The following CRACD variants were observed in gnomAD, a reference collection of about 807,000 sequenced individuals.
The protein encoded by CRACD is capping protein inhibiting regulator of actin dynamics.
In CRACD, 56 loss-of-function variants were observed where a neutral mutation model predicts 106.8. The observed-to-expected ratio is 0.52, with a 90% CI of 0.42 to 0.66. The LOEUF (loss-of-function observed/expected upper bound fraction) is 0.66, where lower values mean the gene tolerates loss of function less well. Ranked by LOEUF, CRACD falls within the 30% of genes least tolerant of loss-of-function variation. The pLI is 0.00. For synonymous variants in CRACD, 754 were observed against 670.8 expected, an observed-to-expected ratio of 1.12 and a Z score of -1.92; for missense variants, 1,730 against 1,623.2, an observed-to-expected ratio of 1.07 and a Z score of -1.13.
intron 1 of CRACD, among the ~76,000 whole-genome samples, chr4:56,094,908 A>G (rs1190974746): frequency 6.6e-6 from 1 of 152,216 alleles, no homozygotes; most frequent in Admixed American, 6.5e-5. Flanking sequence ...TAGATTTAAC[A>G]ATTGCTAATT....
At chr4:56,082,024 G>A (rs1395707810) in intron 1 of CRACD, among the ~76,000 whole-genome samples, 6 of 152,150 alleles carry the variant, frequency 3.9e-5, no homozygotes, top group Non-Finnish European at 7.4e-5. Flanking sequence ...ATTCTTTTGG[G>A]AGAAGAAGAA....
chr4:56,056,748 AAAAAT>A (rs538320632), intron 1 of CRACD, among the ~76,000 whole-genome samples: 118 of 152,172 alleles, frequency 7.8e-4, no homozygotes, highest in Middle Eastern at 3.4e-3. Context: ...AGCCTGTCTC[AAAAAT>A]AAAATAAAAT....
intron 2 of CRACD, among the ~76,000 whole-genome samples, chr4:56,224,965 G>A (rs1739224662): frequency 6.6e-6 from 1 of 152,202 alleles, no homozygotes. Context: ...GAGTGTCAGA[G>A]GATACAAGCC....
chr4:56,308,274 C>G (rs1308945456), intron 5 of CRACD, among the ~76,000 whole-genome samples: 2 of 151,962 alleles, frequency 1.3e-5, no homozygotes, highest in African/African-American at 4.8e-5. Flanking sequence ...TGAAGAGTAC[C>G]TAGTCTGGAA....
chr4:56,306,561 G>GA (rs1744721402), intron 4 of CRACD, among the ~76,000 whole-genome samples: 1 of 152,124 alleles, frequency 6.6e-6, no homozygotes, highest in Admixed American at 6.5e-5. Flanking sequence ...GAACATTTCA[G>GA]AAAATATATT....
rs11724305 is a variant in CRACD at position 56,169,205 on chromosome 4, G to A, written c.-335-10079G>A. 4.4e-3 allele frequency among the ~76,000 whole-genome samples: 666 copies of A among 152,232 alleles called. 2 individuals are homozygous for A. The highest frequency in any genetic ancestry group is 7.7e-3 in the Non-Finnish European group (525 of 68,014). On this transcript the variant is annotated intron_variant, in intron 1 of 10. Transcript: ENST00000682029. ...ACTATATTCTGAAATCCCAACAAAG[G>A]AGCCTAGGGATGAGCTGATTTAGAG...
chr4:56,301,158 A>ATTTTTTTTT, intron 4 of CRACD: 1 of 990,252 alleles, frequency 1.0e-6, no homozygotes, highest in Non-Finnish European at 1.4e-6. Context: ...AGAAAATGTG[A>ATTTTTTTTT]TTTTTTTTTT....
intron 1 of CRACD, among the ~76,000 whole-genome samples, chr4:56,162,290 G>A (rs997967104): frequency 6.6e-6 from 1 of 151,978 alleles, no homozygotes; most frequent in African/African-American, 2.4e-5. Flanking sequence ...TAACTCCTGG[G>A]CTCAAGGGAT....
At chr4:56,228,265 GTATAT>G (rs1337362659) in intron 2 of CRACD, among the ~76,000 whole-genome samples, 10 of 152,070 alleles carry the variant, frequency 6.6e-5, no homozygotes, top group African/African-American at 2.4e-4. Context: ...ATGGATAAAA[GTATAT>G]TATAACACTC....
chr4:56,232,744 A>G (rs1205850963), intron 2 of CRACD, among the ~76,000 whole-genome samples: 1 of 145,366 alleles, frequency 6.9e-6, no homozygotes, highest in Non-Finnish European at 1.5e-5. Flanking sequence ...TTATTTTTTG[A>G]GATGGAGTCT....
chr4:56,267,120 T>A (rs1185604697), intron 2 of CRACD, among the ~76,000 whole-genome samples: 1 of 119,376 alleles, frequency 8.4e-6, no homozygotes, highest in Non-Finnish European at 1.7e-5. Context: ...TTAAATTTAT[T>A]TAAGTTTTTT....
intron 2 of CRACD, among the ~76,000 whole-genome samples, chr4:56,263,613 C>T (rs560256030): frequency 6.6e-6 from 1 of 152,302 alleles, no homozygotes; most frequent in African/African-American, 2.4e-5. Context: ...GCCCACCCTA[C>T]TTAGCTTATT....
chr4:56,222,212 T>C (rs1739080486), intron 2 of CRACD, among the ~76,000 whole-genome samples: 1 of 152,166 alleles, frequency 6.6e-6, no homozygotes, highest in Admixed American at 6.5e-5. Flanking sequence ...TACTCAGCCA[T>C]AAAAAGAAAT....
At chr4:56,194,455 CAA>C (rs913232194) in intron 2 of CRACD, among the ~76,000 whole-genome samples, 4 of 152,234 alleles carry the variant, frequency 2.6e-5, no homozygotes, top group Non-Finnish European at 4.4e-5. Context: ...CAGAGGCAAA[CAA>C]AATGAAAAGT....
chr4:56,225,888 C>T (rs1739274557), intron 2 of CRACD, among the ~76,000 whole-genome samples: 2 of 152,180 alleles, frequency 1.3e-5, no homozygotes, highest in African/African-American at 4.8e-5. Context: ...TTAGGTAGAA[C>T]CCATTCTTGG....
chr4:56,314,009 A>G lies in CRACD; in HGVS notation c.538-31A>G. ...AACGACTGTGGGTGGAGAAAGCAAA[A>G]GGCTAATTGTGTTTTCCTTTCCAAT... is the stretch of plus-strand genomic sequence containing the variant. On this transcript the variant is annotated intron_variant, in intron 7 of 10. Transcript: ENST00000682029. This position sits in a 1 kb window ranked among gnomAD's most constrained non-coding sequence, Gnocchi z 4.4. 1 of 1,592,344 alleles carries G rather than the reference A, an allele frequency of 6.3e-7. No homozygotes were observed. The highest frequency in any genetic ancestry group is 1.8e-5 in the Admixed American group (1 of 56,388).
At chr4:56,170,659 T>C (rs2109915906) in intron 1 of CRACD, among the ~76,000 whole-genome samples, 1 of 152,006 alleles carries the variant, frequency 6.6e-6, no homozygotes, top group East Asian at 1.9e-4. Context: ...CTTGACAACA[T>C]AGCAAGACCC....
At chr4:56,133,911 A>T (rs1197850528) in intron 1 of CRACD, among the ~76,000 whole-genome samples, 2 of 152,170 alleles carry the variant, frequency 1.3e-5, no homozygotes, top group East Asian at 3.9e-4. Context: ...ATGAATAAGA[A>T]ATCAGCTTGG....
intron 1 of CRACD, among the ~76,000 whole-genome samples, chr4:56,176,333 A>G (rs760050426): frequency 1.3e-5 from 2 of 151,978 alleles, no homozygotes; most frequent in Non-Finnish European, 2.9e-5. Flanking sequence ...TGGCATTTTG[A>G]TAGGGATTCC....
Sources: allele counts gnomAD v4.1 joint callset (sites outside exome capture counted in the v4.1 genomes callset), GRCh38; gene constraint gnomAD v4.1.1; non-coding constraint Gnocchi (gnomAD v3.1); transcripts MANE v1.5; gene names NCBI Gene and HGNC (gene_info 2026-07-23, HGNC 2026-07-21).